ATG10: variants seen among roughly 807,000 people sequenced by gnomAD.
The protein encoded by ATG10 is autophagy related 10, also known as ubiquitin-like-conjugating enzyme ATG10.
A neutral mutation model predicts 32.1 loss-of-function variants in ATG10; 30 were observed. That is an observed-to-expected ratio of 0.94 (90% CI 0.70 to 1.27). The LOEUF (loss-of-function observed/expected upper bound fraction) is 1.27. ATG10 is among the 50% of genes most tolerant of loss of function. ATG10 has a pLI of 0.00. For missense variants in ATG10, 233 were observed against 262.3 expected (o/e 0.89, Z 0.77); for synonymous variants, 87 against 91.5 (o/e 0.95, Z 0.28).
At chr5:81,994,883 A>G (rs1453746273) in intron 2 of ATG10, among the ~76,000 whole-genome samples, 1 of 152,200 alleles carries the variant, frequency 6.6e-6, no homozygotes, top group Admixed American at 6.5e-5. Context: ...AATCATAAAA[A>G]TACATCTAGA....
intron 2 of ATG10, among the ~76,000 whole-genome samples, chr5:82,039,384 A>G (rs1763020779): frequency 6.6e-6 from 1 of 152,240 alleles, no homozygotes; most frequent in South Asian, 2.1e-4. Flanking sequence ...ATAAACTATA[A>G]GCAAAATTCA....
At chr5:82,071,929 G>A (rs1764144389) in intron 3 of ATG10, among the ~76,000 whole-genome samples, 1 of 152,148 alleles carries the variant, frequency 6.6e-6, no homozygotes, top group African/African-American at 2.4e-5. Context: ...ATCCATTAAG[G>A]AAAGCTGAGT....
intron 2 of ATG10, among the ~76,000 whole-genome samples, chr5:82,008,476 G>A (rs1206020351): frequency 6.6e-6 from 1 of 152,028 alleles, no homozygotes; most frequent in Admixed American, 6.6e-5. Flanking sequence ...AAGAAGAACA[G>A]GTTGTATCAC....
At chr5:82,175,544 G>T (rs1219264764) in intron 4 of ATG10, among the ~76,000 whole-genome samples, 3 of 152,198 alleles carry the variant, frequency 2.0e-5, no homozygotes, top group Non-Finnish European at 4.4e-5. Flanking sequence ...TCACATGGGT[G>T]AATTGTATGT....
intron 2 of ATG10, among the ~76,000 whole-genome samples, chr5:82,042,558 A>C (rs1308140397): frequency 6.6e-6 from 1 of 152,144 alleles, no homozygotes. Flanking sequence ...CCAGAGTCCA[A>C]AGTCTCATCT....
At chr5:82,050,305 A>G (rs1376503008) in intron 2 of ATG10, among the ~76,000 whole-genome samples, 1 of 152,050 alleles carries the variant, frequency 6.6e-6, no homozygotes, top group African/African-American at 2.4e-5. Flanking sequence ...ACTTTAAGTA[A>G]TATATTTCTC....
intron 3 of ATG10, among the ~76,000 whole-genome samples, chr5:82,156,311 A>G (rs1005892309): frequency 1.3e-5 from 2 of 152,196 alleles, no homozygotes; most frequent in Non-Finnish European, 2.9e-5. Flanking sequence ...TGTGTATGTG[A>G]GGCAAGACCT....
At position 82,149,888 on chromosome 5, in the gene ATG10, G is replaced by T. The variant is rs574413848; in HGVS notation, c.217-14511G>T. ...TTCTTGTACTGTCAGATTTCGTCAT[G>T]TTGGGTATAAGGCTGAGTCTGACCT... On this transcript the variant is annotated intron_variant, in intron 3 of 7. Transcript: ENST00000282185. 6.6e-5 allele frequency among the ~76,000 whole-genome samples: 10 copies of T among 152,264 alleles called. No individual in the cohort carries two copies. In the East Asian group the frequency reaches 9.6e-4, roughly 15 times the overall value.
intron 5 of ATG10, among the ~76,000 whole-genome samples, chr5:82,197,459 T>TCTACCTACCTAC (rs10592620): frequency 2.1e-4 from 31 of 148,620 alleles, no homozygotes; most frequent in South Asian, 6.5e-4. Flanking sequence ...TATCTGTCTA[T>TCTACCTACCTAC]CTACCTACCT....
chr5:82,139,339 C>T (rs1766934213), intron 3 of ATG10, among the ~76,000 whole-genome samples: 1 of 149,384 alleles, frequency 6.7e-6, no homozygotes, highest in Non-Finnish European at 1.5e-5. Flanking sequence ...TGCCTGGCTG[C>T]CCAGTCTGGA....
At chr5:82,173,499 A>G (rs542110313) in intron 4 of ATG10, among the ~76,000 whole-genome samples, 1 of 152,314 alleles carries the variant, frequency 6.6e-6, no homozygotes, top group Non-Finnish European at 1.5e-5. Context: ...ACATTCCATT[A>G]GCTTAAATGT....
chr5:82,032,921 G>A (rs553829244), intron 2 of ATG10, among the ~76,000 whole-genome samples: 3 of 152,192 alleles, frequency 2.0e-5, no homozygotes, highest in Admixed American at 2.0e-4. Context: ...AAAGTGGCAC[G>A]CGAAATTTAT....
intron 1 of ATG10, among the ~76,000 whole-genome samples, chr5:81,985,305 A>G (rs1477912117): frequency 6.6e-6 from 1 of 152,140 alleles, no homozygotes; most frequent in Non-Finnish European, 1.5e-5. Context: ...ACAGTTGGAA[A>G]AATTTCCTCT....
chr5:82,114,937 T>C (rs1272046085), intron 3 of ATG10, among the ~76,000 whole-genome samples: 1 of 152,106 alleles, frequency 6.6e-6, no homozygotes, highest in African/African-American at 2.4e-5. Context: ...CATGTAGATA[T>C]TAAGCACTTG....
At chr5:82,199,235 C>A (rs950854550) in intron 5 of ATG10, among the ~76,000 whole-genome samples, 2 of 152,104 alleles carry the variant, frequency 1.3e-5, no homozygotes, top group Non-Finnish European at 1.5e-5. Context: ...GATTTTTGGT[C>A]GATTTTTCTC....
chr5:82,029,601 G>A (rs1762688692), intron 2 of ATG10, among the ~76,000 whole-genome samples: 1 of 152,160 alleles, frequency 6.6e-6, no homozygotes, highest in South Asian at 2.1e-4. Context: ...ACTGATGTGG[G>A]GGATAAGGGT....
At chr5:82,132,987 C>T (rs1581722808) in intron 3 of ATG10, among the ~76,000 whole-genome samples, 2 of 152,106 alleles carry the variant, frequency 1.3e-5, no homozygotes, top group Admixed American at 6.6e-5. Flanking sequence ...TATCTAATTA[C>T]CAGTGATGAT....
intron 5 of ATG10, among the ~76,000 whole-genome samples, chr5:82,190,616 C>A (rs1456250429): frequency 1.3e-5 from 2 of 151,352 alleles, no homozygotes; most frequent in Non-Finnish European, 2.9e-5. Flanking sequence ...ACTAAAAATA[C>A]AAAAATTAGC....
chr5:82,016,934 C>T (rs763371467), intron 2 of ATG10, among the ~76,000 whole-genome samples: 47 of 152,078 alleles, frequency 3.1e-4, no homozygotes, highest in Non-Finnish European at 5.9e-4. Flanking sequence ...TCGTGATCCG[C>T]GCACCTTAGC....
Sources: allele counts gnomAD v4.1 joint callset (sites outside exome capture counted in the v4.1 genomes callset), GRCh38; gene constraint gnomAD v4.1.1; transcripts MANE v1.5; gene names NCBI Gene and HGNC (gene_info 2026-07-23, HGNC 2026-07-21).